Variants in SHISA9 observed in about 807,000 individuals in gnomAD.
SHISA9 encodes the protein shisa family member 9.
A neutral mutation model predicts 38.0 loss-of-function variants in SHISA9; 13 were observed. The ratio of observed to expected loss-of-function variants is 0.34; its 90% CI spans 0.22 to 0.54. The LOEUF is 0.54. Ranked by LOEUF, SHISA9 falls within the 20% of genes least tolerant of loss-of-function variation. The pLI, the probability that SHISA9 is intolerant of heterozygous loss-of-function variation, is 0.91. For missense variants in SHISA9, 538 were observed against 575.8 expected, an observed-to-expected ratio of 0.93 and a Z score of 0.67; for synonymous variants, 275 against 242.0, an observed-to-expected ratio of 1.14 and a Z score of -1.27.
intron 2 of SHISA9, among the ~76,000 whole-genome samples, chr16:12,969,134 G>C (rs1436882787): frequency 6.6e-6 from 1 of 150,420 alleles, no homozygotes; most frequent in East Asian, 2.0e-4. Flanking sequence ...TCTGTCCTGG[G>C]TGACAGAGCA....
At chr16:12,944,710 C>G (rs2071666621) in intron 2 of SHISA9, among the ~76,000 whole-genome samples, 1 of 152,242 alleles carries the variant, frequency 6.6e-6, no homozygotes, top group East Asian at 1.9e-4. Flanking sequence ...GTTCCTTATG[C>G]AGGAATAGTA....
the SHISA9 span, among the ~76,000 whole-genome samples, chr16:13,543,862 T>G: frequency 6.6e-6 from 1 of 152,162 alleles, no homozygotes; most frequent in Non-Finnish European, 1.5e-5. Flanking sequence ...TAGAAAGCCC[T>G]CCAGATTAAA....
At chr16:13,457,718 C>T in the SHISA9 span, among the ~76,000 whole-genome samples, 4,174 of 151,968 alleles carry the variant, frequency 0.027, 160 homozygotes, top group East Asian at 0.21. Context: ...CAGCCACCAA[C>T]AAACACAGTC....
intron 2 of SHISA9, among the ~76,000 whole-genome samples, chr16:13,186,642 A>G (rs1222202624): frequency 6.6e-6 from 1 of 152,104 alleles, no homozygotes; most frequent in Non-Finnish European, 1.5e-5. Context: ...AGAGTTTAGT[A>G]CATTCGCATT....
intron 2 of SHISA9, among the ~76,000 whole-genome samples, chr16:13,135,656 ATC>A (rs1453107346): frequency 6.6e-6 from 1 of 152,164 alleles, no homozygotes; most frequent in Non-Finnish European, 1.5e-5. Context: ...CCCAAATTGT[ATC>A]TCAACATCTG....
chr16:13,469,423 A>AAAAG, the SHISA9 span, among the ~76,000 whole-genome samples: 2 of 115,874 alleles, frequency 1.7e-5, no homozygotes, highest in Non-Finnish European at 3.7e-5. Context: ...GAAAGAAAGA[A>AAAAG]AAAGAAAGAA....
chr16:12,982,639 C>T (rs35815419), intron 2 of SHISA9, among the ~76,000 whole-genome samples: 16,619 of 152,138 alleles, frequency 0.11, 1,389 homozygotes, highest in African/African-American at 0.23. Context: ...ACACCATCTC[C>T]AGAACATCTC....
At chr16:13,302,609 T>C in the SHISA9 span, among the ~76,000 whole-genome samples, 2 of 152,182 alleles carry the variant, frequency 1.3e-5, no homozygotes, top group African/African-American at 2.4e-5. Flanking sequence ...GCTTCCTTCT[T>C]TTGGCATCTC....
chr16:13,183,408 G>C (rs1334563745), intron 2 of SHISA9, among the ~76,000 whole-genome samples: 3 of 152,258 alleles, frequency 2.0e-5, no homozygotes. Flanking sequence ...GTTAGTAATA[G>C]AAGTTATAGT....
At chr16:13,069,029 C>T (rs62647225) in intron 2 of SHISA9, among the ~76,000 whole-genome samples, 10,479 of 147,092 alleles carry the variant, frequency 0.071, 514 homozygotes, top group Middle Eastern at 0.11. Context: ...TAAATGTATG[C>T]ATATTCTTGT....
At chr16:12,939,378 C>CT (rs1251251001) in intron 2 of SHISA9, among the ~76,000 whole-genome samples, 1 of 152,208 alleles carries the variant, frequency 6.6e-6, no homozygotes, top group Admixed American at 6.5e-5. Context: ...GTCACTGCGC[C>CT]TGGCCAGGAA....
At chr16:13,358,584 A>G in the SHISA9 span, among the ~76,000 whole-genome samples, 118 of 152,240 alleles carry the variant, frequency 7.8e-4, no homozygotes, top group African/African-American at 2.7e-3. Flanking sequence ...TTTCCTTTAC[A>G]TTCTTCAGGA....
the SHISA9 span, among the ~76,000 whole-genome samples, chr16:13,297,569 G>C: frequency 6.6e-6 from 1 of 152,128 alleles, no homozygotes; most frequent in Non-Finnish European, 1.5e-5. Flanking sequence ...TAGGAGAAGG[G>C]ATTCCCAGCA....
rs746927736 is a variant in SHISA9, at chr16:13,218,941, T to C, written c.895+5641T>C. Among the ~76,000 whole-genome samples, 5 of 152,186 alleles carry C rather than the reference T, an allele frequency of 3.3e-5. No individual in the cohort carries two copies. The South Asian group carries it at 6.2e-4, about 19-fold the overall frequency. On this transcript the variant is annotated intron_variant, in intron 4 of 4. Coordinates refer to ENST00000558583, the MANE Select transcript of SHISA9 (RefSeq NM_001145204.3). ...TTCATGAAATTTGGGCTTTTGCAAT[T>C]TCCTGATTTTGGTTATTGGTTTGGT...
chr16:13,406,889 A>G, the SHISA9 span, among the ~76,000 whole-genome samples: 73 of 152,040 alleles, frequency 4.8e-4, 1 homozygote, highest in Middle Eastern at 0.014. Context: ...ACCAACATAG[A>G]GAAACCCCAT....
At chr16:13,521,745 A>T in the SHISA9 span, among the ~76,000 whole-genome samples, 15 of 152,168 alleles carry the variant, frequency 9.9e-5, no homozygotes, top group African/African-American at 3.6e-4. Flanking sequence ...TTGCCATGTA[A>T]CTGTTTCACG....
intron 2 of SHISA9, among the ~76,000 whole-genome samples, chr16:13,133,647 C>T (rs1361888295): frequency 6.6e-6 from 1 of 152,170 alleles, no homozygotes; most frequent in East Asian, 1.9e-4. Context: ...TGGCTGGTTT[C>T]CCCTCACATT....
In SHISA9 at chr16:13,237,884, G is replaced by C. The variant is rs1017541969; in HGVS notation, c.*2475G>C. 1 of 151,980 alleles carries C rather than the reference G, an allele frequency of 6.6e-6. No homozygotes were observed. The highest frequency in any genetic ancestry group is 2.4e-5 in the African/African-American group (1 of 41,382). The allele number at this position is 151,980 out of a possible 1,614,324, so 9.4% of individuals were successfully genotyped here. A position where few individuals can be genotyped will look rare whatever the true frequency, so the allele number is the denominator to read the frequency against. Reference sequence around the variant, plus strand: ...AGCTATGTACCTGCAACACACTTTGGCATCTCTGTATATCACCTTCACAAT... The same window carrying C: ...AGCTATGTACCTGCAACACACTTTGCCATCTCTGTATATCACCTTCACAAT... On this transcript the variant is annotated 3_prime_UTR_variant, in exon 5 of 5. Coordinates refer to ENST00000558583, the MANE Select transcript of SHISA9 (RefSeq NM_001145204.3).
At chr16:13,438,885 C>T in the SHISA9 span, among the ~76,000 whole-genome samples, 1 of 152,178 alleles carries the variant, frequency 6.6e-6, no homozygotes, top group Non-Finnish European at 1.5e-5. Context: ...TCCGCTCCAT[C>T]CCAGCTGTCT....
Sources: gnomAD v4.1 joint callset for allele counts (sites outside exome capture counted in the v4.1 genomes callset) on GRCh38, gnomAD v4.1.1 for gene constraint, MANE v1.5 for transcripts, NCBI Gene and HGNC (gene_info 2026-07-23, HGNC 2026-07-21) for gene names.